AARS1: variants seen among roughly 807,000 people sequenced by gnomAD.
The protein encoded by AARS1 is alanyl-tRNA synthetase 1.
AARS1 carries 72 observed loss-of-function variants against 108.9 expected under a neutral mutation model. The observed-to-expected ratio is 0.66, with a 90% CI of 0.55 to 0.80. AARS1 has a LOEUF of 0.80. Ranked by LOEUF, AARS1 falls within the 30% of genes least tolerant of loss-of-function variation. The pLI, the probability that AARS1 is intolerant of heterozygous loss-of-function variation, is 0.00. For synonymous variants in AARS1, 489 were observed against 465.7 expected, an observed-to-expected ratio of 1.05 and a Z score of -0.64; for missense variants, 1,193 against 1,233.2, an observed-to-expected ratio of 0.97 and a Z score of 0.49.
rs201177309 is a variant in AARS1 at position 70,258,945 on chromosome 16, G to C, written c.1992+35C>G. ...GACTGTGGACAGACAGTGACGGTGT[G>C]GGGAGGGGGGGCATTCAGCCGTCGC... On this transcript the variant is annotated intron_variant, in intron 14 of 20. Transcript: ENST00000261772. The C allele has an allele frequency of 6.3e-5, 100 of 1,590,546 alleles. No homozygotes were observed. The East Asian group carries it at 2.1e-3, about 33-fold the overall frequency.
chr16:70,264,118 TG>T (rs1441412152), intron 11 of AARS1, among the ~76,000 whole-genome samples: 1 of 151,186 alleles, frequency 6.6e-6, no homozygotes, highest in Non-Finnish European at 1.5e-5. Context: ...TGGTGGTGCG[TG>T]GCTGTAATCC....
At chr16:70,287,242 G>A (rs1268760358) in intron 1 of AARS1, among the ~76,000 whole-genome samples, 38 of 99,884 alleles carry the variant, frequency 3.8e-4, no homozygotes, top group African/African-American at 1.3e-3. Flanking sequence ...GCGACAGAGC[G>A]AGACTCCGTC....
rs977976041 is a variant in AARS1, at chr16:70,270,290, CCT to C, written c.720_721del (p.Gly241AspfsTer13). ...AGATACCAGTCGTTCCAGGCCCATC[CCT>C]GTGTCAATGCTTTTCTTGGGAAGAG... is the stretch of plus-strand genomic sequence containing the variant. On this transcript the variant is annotated frameshift_variant, in exon 6 of 21. Transcript: ENST00000261772. LOFTEE classifies it high-confidence loss of function. 5 of 1,614,144 alleles carry C rather than the reference CCT, an allele frequency of 3.1e-6. No individual in the cohort carries two copies. The Admixed American group carries it at 8.3e-5, about 27-fold the overall frequency.
chr16:70,263,868 C>T (rs750660617), intron 11 of AARS1, among the ~76,000 whole-genome samples: 1 of 152,078 alleles, frequency 6.6e-6, no homozygotes, highest in African/African-American at 2.4e-5. Context: ...AACACCAGAG[C>T]TCAACTGATC....
intron 11 of AARS1, among the ~76,000 whole-genome samples, chr16:70,264,049 C>A (rs1204492263): frequency 6.6e-6 from 1 of 151,780 alleles, no homozygotes; most frequent in African/African-American, 2.4e-5. Context: ...AGTTTGAGAC[C>A]TGCCTGGCAA....
chr16:70,280,545 G>C (rs2152169170), intron 2 of AARS1, among the ~76,000 whole-genome samples: 1 of 152,244 alleles, frequency 6.6e-6, no homozygotes, highest in Admixed American at 6.5e-5. Flanking sequence ...TGCCAGAAAA[G>C]ACACCTAAGA....
chr16:70,272,506 CAAAAAAAAAAA>C (rs34129241), intron 4 of AARS1, among the ~76,000 whole-genome samples: 9 of 17,022 alleles, frequency 5.3e-4, no homozygotes, highest in Non-Finnish European at 9.7e-4. Context: ...AACTCCATCT[CAAAAAAAAAAA>C]AAAAAAAAAA....
At chr16:70,253,000 C>T (rs1959879811) in intron 20 of AARS1, 94 bp from the exon 21 acceptor site, 2 of 1,367,470 alleles carry the variant, frequency 1.5e-6, no homozygotes, top group South Asian at 1.2e-5. Flanking sequence ...ATCACCCACT[C>T]CTTGCCCTGG....
Position 70,275,756 on chromosome 16 carries a change from CCAACAA to C in AARS1, c.479+724_479+729del, listed in dbSNP as rs577828514. On this transcript the variant is annotated intron_variant, in intron 4 of 20. Transcript: ENST00000261772. ...CCAGCCTGGGTGACAGAGCGAGACT[CCAACAA>C]CAACAACAACAAAAATATATATATA... 6.4e-3 allele frequency among the ~76,000 whole-genome samples: 962 copies of C among 149,600 alleles called. 11 individuals carry two copies. Among genetic ancestry groups the C allele is most frequent in the African/African-American group, 0.022 (895 of 40,714 alleles).
chr16:70,269,075 G>C (rs1162747657), intron 7 of AARS1, among the ~76,000 whole-genome samples: 4 of 151,960 alleles, frequency 2.6e-5, no homozygotes, highest in Non-Finnish European at 4.4e-5. Context: ...TGTAATCCCA[G>C]CACTGTGGGA....
At chr16:70,272,506 CAAAAAAAAAAAAAAAA>C (rs34129241) in intron 4 of AARS1, among the ~76,000 whole-genome samples, 2 of 17,022 alleles carry the variant, frequency 1.2e-4, no homozygotes, top group Non-Finnish European at 2.2e-4. Context: ...AACTCCATCT[CAAAAAAAAAAAAAAAA>C]AAAAAAAAAA....
rs139785247 is a variant in AARS1, at chr16:70,271,834, C to T, written c.618G>A (p.Gln206=). 2 of 1,613,982 alleles carry T rather than the reference C, an allele frequency of 1.2e-6. No individual in the cohort carries two copies. Among genetic ancestry groups the T allele is most frequent in the Non-Finnish European group, 1.7e-6 (2 of 1,180,002 alleles). ...AGATCTCCAGCACATTAGGGTCGTC[C>T]TGGTTGACAAGATGTGCGGCGTCCC... is the stretch of plus-strand genomic sequence containing the variant. ...GGRDAAHLVN[Q]DDPNVLEIWN... is the part of the protein sequence containing the mutation. The change falls in exon 5 of 21, where the codon CAG becomes CAA. Residue 206 remains glutamine, a synonymous_variant. Coordinates refer to ENST00000261772, the MANE Select transcript of AARS1 (RefSeq NM_001605.3).
chr16:70,265,406 C>T, intron 10 of AARS1, 132 bp downstream of exon 10: 10 of 1,427,134 alleles, frequency 7.0e-6, no homozygotes, highest in Non-Finnish European at 9.9e-6. Context: ...CTCGCCCCCA[C>T]TTGAGAACCA....
intron 11 of AARS1, 110 bp from the exon 12 acceptor site, chr16:70,262,634 T>A: frequency 8.8e-7 from 1 of 1,137,426 alleles, no homozygotes; most frequent in Non-Finnish European, 1.2e-6. Context: ...TAGCTCCTAA[T>A]TGTCCAATTG....
intron 7 of AARS1, among the ~76,000 whole-genome samples, chr16:70,268,820 C>A (rs1960325640): frequency 6.6e-6 from 1 of 152,234 alleles, no homozygotes; most frequent in South Asian, 2.1e-4. Flanking sequence ...AACTCTGTGA[C>A]ACTAGCTGAA....
At position 70,259,032 on chromosome 16, in the gene AARS1, TG is replaced by T. The variant is rs772774828; in HGVS notation, c.1939del (p.Gln647AsnfsTer13). The T allele has an allele frequency of 1.9e-6, 3 of 1,614,152 alleles. No homozygotes were observed. In the Admixed American group the frequency reaches 5.0e-5, roughly 27 times the overall value. Reference sequence around the variant, plus strand: ...AATCTCTTCAGCCTTCTTGATCTGTTGGGTGGACATGGCTCCCTTGGCAGTA... The same window carrying T: ...AATCTCTTCAGCCTTCTTGATCTGTTGGTGGACATGGCTCCCTTGGCAGTA... ...DFTAKGAMST[Q>X]QIKKAEEIAN... On this transcript the variant is annotated frameshift_variant, in exon 14 of 21. Transcript: ENST00000261772. LOFTEE classifies it high-confidence loss of function.
At chr16:70,276,142 G>A (rs1308723491) in intron 4 of AARS1, 2 of 165,536 alleles carry the variant, frequency 1.2e-5, no homozygotes, top group African/African-American at 4.8e-5. Context: ...TTAAGCCCAG[G>A]AGACAGAGGT....
chr16:70,280,167 T>G (rs146919275), intron 2 of AARS1, among the ~76,000 whole-genome samples: 2 of 152,210 alleles, frequency 1.3e-5, no homozygotes, highest in African/African-American at 2.4e-5. Flanking sequence ...TCCTCTTACT[T>G]TGGCCTCCCA....
At chr16:70,255,330 G>C (rs1411718997) in intron 16 of AARS1, among the ~76,000 whole-genome samples, 1 of 150,766 alleles carries the variant, frequency 6.6e-6, no homozygotes, top group East Asian at 1.9e-4. Flanking sequence ...CTCCCAAGTA[G>C]CTGGGATTAC....
Sources: gnomAD v4.1 joint callset for allele counts (sites outside exome capture counted in the v4.1 genomes callset) on GRCh38, gnomAD v4.1.1 for gene constraint, MANE v1.5 for transcripts, NCBI Gene and HGNC (gene_info 2026-07-23, HGNC 2026-07-21) for gene names.